The following EPN2 variants were observed in gnomAD, a reference collection of about 807,000 sequenced individuals.
The protein encoded by EPN2 is epsin-2.
EPN2 carries 34 observed loss-of-function variants against 61.7 expected under a neutral mutation model. That is an observed-to-expected ratio of 0.55 (90% confidence interval 0.42 to 0.73). EPN2 has a LOEUF of 0.73. EPN2 is among the 30% of genes least tolerant of loss of function. The probability of loss-of-function intolerance (pLI) is 0.00; values close to 1 mark genes in which losing one functional copy is unlikely to be tolerated. For missense variants in EPN2, 714 were observed against 839.2 expected, an observed-to-expected ratio of 0.85 and a Z score of 1.84; for synonymous variants, 349 against 353.6, an observed-to-expected ratio of 0.99 and a Z score of 0.15.
intron 1 of EPN2, chr17:19,258,125 A>G (rs1344630866): frequency 6.2e-6 from 1 of 160,222 alleles, no homozygotes; most frequent in South Asian, 1.7e-4. Context: ...GAAGAGGAAT[A>G]AGCACTGACT....
At chr17:19,309,608 T>A (rs937642246) in intron 4 of EPN2, among the ~76,000 whole-genome samples, 1 of 152,222 alleles carries the variant, frequency 6.6e-6, no homozygotes, top group African/African-American at 2.4e-5. Flanking sequence ...GTTCTGATCC[T>A]TGTGAGGCCT....
At chr17:19,246,103 G>A (rs375450575) in intron 1 of EPN2, among the ~76,000 whole-genome samples, 4 of 151,858 alleles carry the variant, frequency 2.6e-5, no homozygotes, top group African/African-American at 7.2e-5. Flanking sequence ...GCTCATACCT[G>A]TAATCCCAGC....
At position 19,283,833 on chromosome 17, in the gene EPN2, T is replaced by A; in HGVS notation, c.595+119T>A. ...CTGCAGAGCTCGAACCTGTCCTCAG[T>A]ACCCAGCTTTTGGTGGCCCAGGCAA... On this transcript the variant is annotated intron_variant, in intron 3 of 10. Transcript: ENST00000314728. This position sits in a 1 kb window ranked among gnomAD's most constrained non-coding sequence, Gnocchi z 7.0. 1.4e-6 allele frequency: 1 copy of A among 740,530 alleles called. No homozygotes were observed. Among genetic ancestry groups the A allele is most frequent in the Non-Finnish European group, 2.1e-6 (1 of 465,964 alleles). The allele number at this position is 740,530 out of a possible 1,614,324, so 45.9% of individuals were successfully genotyped here.
At chr17:19,243,909 C>A (rs996394770) in intron 1 of EPN2, among the ~76,000 whole-genome samples, 9 of 152,150 alleles carry the variant, frequency 5.9e-5, no homozygotes, top group African/African-American at 2.2e-4. Context: ...ATTTGGGAAC[C>A]TTGGCCCAGA....
At chr17:19,329,892 C>T (rs1398823203) in intron 9 of EPN2, among the ~76,000 whole-genome samples, 1 of 152,198 alleles carries the variant, frequency 6.6e-6, no homozygotes, top group Non-Finnish European at 1.5e-5. Context: ...ATTCCACAGC[C>T]CCGGCCTCCT....
chr17:19,239,198 A>G (rs1045581250), intron 1 of EPN2, among the ~76,000 whole-genome samples: 3 of 152,256 alleles, frequency 2.0e-5, no homozygotes, highest in African/African-American at 7.2e-5. Flanking sequence ...CCCAGGCTAG[A>G]GTGCAGTGGC....
At position 19,285,568 on chromosome 17, in the gene EPN2, A is replaced by G. The variant is rs961839611; in HGVS notation, c.596-52A>G. The G allele has an allele frequency of 7.0e-7, 1 of 1,423,310 alleles. No individual in the cohort carries two copies. Among genetic ancestry groups the G allele is most frequent in the Non-Finnish European group, 9.2e-7 (1 of 1,082,648 alleles). 88.2% of individuals were successfully genotyped at this position (1,423,310 alleles called of 1,614,324 possible). ...GTACCTCCTGCAGGGGCTGCTGCGCACCCTCTAATGGCGTGTCTCTCTGTG... is the reference window on the plus strand; with the variant it reads ...GTACCTCCTGCAGGGGCTGCTGCGCGCCCTCTAATGGCGTGTCTCTCTGTG... On this transcript the variant is annotated intron_variant, in intron 3 of 10. Coordinates refer to ENST00000314728, the MANE Select transcript of EPN2 (RefSeq NM_014964.5). The surrounding 1 kb of genome is among the most constrained non-coding windows in gnomAD (Gnocchi z 4.5).
At chr17:19,259,193 A>C (rs539349655) in intron 1 of EPN2, among the ~76,000 whole-genome samples, 4 of 152,256 alleles carry the variant, frequency 2.6e-5, no homozygotes, top group East Asian at 3.9e-4. Flanking sequence ...ACAATTTGGA[A>C]TCCATTAGCT....
intron 7 of EPN2, among the ~76,000 whole-genome samples, chr17:19,321,997 T>C (rs897997700): frequency 6.6e-6 from 1 of 152,200 alleles, no homozygotes; most frequent in Non-Finnish European, 1.5e-5. Flanking sequence ...GGCTTGTCTC[T>C]ACAGTGTGAT....
At position 19,313,224 on chromosome 17, in the gene EPN2, C is replaced by G; in HGVS notation, c.1092C>G (p.Asn364Lys). 1 of 1,598,534 alleles carries G rather than the reference C, an allele frequency of 6.3e-7. No individual in the cohort carries two copies. Among genetic ancestry groups the G allele is most frequent in the Non-Finnish European group, 8.5e-7 (1 of 1,174,804 alleles). Residue 364 changes from asparagine (N) to lysine (K), a missense_variant, in exon 7 of 11, where the codon AAC becomes AAG. Physicochemically the swap from Asn to Lys is moderately conservative, Grantham distance 94. Coordinates refer to ENST00000314728, the MANE Select transcript of EPN2 (RefSeq NM_014964.5). ...WGPSASTNQT[N>K]PWGGPAAPAS... ...CGTCAGCCTCCACTAACCAGACCAA[C>G]CCCTGGGGCGGGCCAGCGGCTCCTG...
chr17:19,333,188 A>G (rs1224105788), intron 10 of EPN2, among the ~76,000 whole-genome samples: 1 of 151,172 alleles, frequency 6.6e-6, no homozygotes, highest in Non-Finnish European at 1.5e-5. Context: ...CTGCCCAGAG[A>G]GCCCTTGAAG....
chr17:19,330,921 G>C (rs1224268823), intron 9 of EPN2, among the ~76,000 whole-genome samples: 3 of 152,210 alleles, frequency 2.0e-5, no homozygotes, highest in Non-Finnish European at 4.4e-5. Context: ...AGGATCCCTT[G>C]AGCCCAGGAG....
chr17:19,253,320 A>G (rs1174041206), intron 1 of EPN2, among the ~76,000 whole-genome samples: 1 of 152,012 alleles, frequency 6.6e-6, no homozygotes, highest in Admixed American at 6.5e-5. Context: ...TTATGACCAA[A>G]TAATATTCCA....
intron 4 of EPN2, chr17:19,303,936 C>G (rs1003565253): frequency 6.6e-6 from 1 of 152,160 alleles, no homozygotes; most frequent in Non-Finnish European, 1.5e-5. Flanking sequence ...AATCCCGTCT[C>G]TCCTAAAAAT....
At chr17:19,289,724 G>GTTTTTTTTTTTTTTTTTTTTGTTTT (rs2045443223) in intron 4 of EPN2, among the ~76,000 whole-genome samples, 1 of 78,028 alleles carries the variant, frequency 1.3e-5, no homozygotes, top group Non-Finnish European at 2.3e-5. Context: ...GGCGCTCATG[G>GTTTTTTTTTTTTTTTTTTTTGTTTT]TTTTTTTTTT....
intron 1 of EPN2, among the ~76,000 whole-genome samples, chr17:19,252,310 G>GT (rs2045024463): frequency 6.6e-6 from 1 of 152,156 alleles, no homozygotes; most frequent in Non-Finnish European, 1.5e-5. Flanking sequence ...AGCCACCAGA[G>GT]TTTGACAGCT....
chr17:19,240,059 A>T (rs1369071588), intron 1 of EPN2, among the ~76,000 whole-genome samples: 1 of 151,884 alleles, frequency 6.6e-6, no homozygotes, highest in African/African-American at 2.4e-5. Flanking sequence ...ATTTTTATGC[A>T]TGGAATTGTC....
At chr17:19,293,294 C>T (rs1477037885) in intron 4 of EPN2, among the ~76,000 whole-genome samples, 3 of 150,056 alleles carry the variant, frequency 2.0e-5, no homozygotes, top group Non-Finnish European at 3.0e-5. Context: ...GTGGGAGATT[C>T]GCTTGAACCT....
intron 1 of EPN2, among the ~76,000 whole-genome samples, chr17:19,248,790 C>G (rs2044980902): frequency 6.6e-6 from 1 of 152,136 alleles, no homozygotes; most frequent in Non-Finnish European, 1.5e-5. Flanking sequence ...GCTCTTGCCT[C>G]AGTAACAAGT....
Sources: allele counts gnomAD v4.1 joint callset (sites outside exome capture counted in the v4.1 genomes callset), GRCh38; gene constraint gnomAD v4.1.1; non-coding constraint Gnocchi (gnomAD v3.1); transcripts MANE v1.5; gene names NCBI Gene and HGNC (gene_info 2026-07-23, HGNC 2026-07-21).